The following DOCK3 variants were observed in gnomAD, a reference collection of about 807,000 sequenced individuals.
The protein encoded by DOCK3 is dedicator of cytokinesis 3.
A neutral mutation model predicts 265.6 loss-of-function variants in DOCK3; 60 were observed. The observed-to-expected ratio is 0.23, with a 90% confidence interval of 0.18 to 0.28. The LOEUF is 0.28. DOCK3 is among the 10% of genes least tolerant of loss of function. DOCK3 has a pLI of 1.00. For synonymous variants in DOCK3, 881 were observed against 938.0 expected (o/e 0.94, Z 1.11); for missense variants, 1,981 against 2,594.3 (o/e 0.76, Z 5.14).
At chr3:50,819,450 T>C (rs2044278812) in intron 2 of DOCK3, among the ~76,000 whole-genome samples, 1 of 152,222 alleles carries the variant, frequency 6.6e-6, no homozygotes, top group Non-Finnish European at 1.5e-5. Flanking sequence ...TAAAGTGTAT[T>C]GAACACACTA....
At chr3:50,681,667 A>G (rs959703396) in intron 1 of DOCK3, among the ~76,000 whole-genome samples, 1 of 152,186 alleles carries the variant, frequency 6.6e-6, no homozygotes, top group Non-Finnish European at 1.5e-5. Context: ...CCTTAGGGAT[A>G]CTCTAGTAAA....
At chr3:50,862,399 C>T (rs1489869290) in intron 3 of DOCK3, among the ~76,000 whole-genome samples, 2 of 152,196 alleles carry the variant, frequency 1.3e-5, no homozygotes, top group Non-Finnish European at 2.9e-5. Context: ...GGCCGAAATC[C>T]AGAAGGTGGT....
intron 38 of DOCK3, among the ~76,000 whole-genome samples, chr3:51,347,683 T>C (rs1022784502): frequency 2.0e-5 from 3 of 152,224 alleles, no homozygotes; most frequent in Non-Finnish European, 2.9e-5. Context: ...AAGAAAGTTA[T>C]TGGTAGCTTG....
intron 24 of DOCK3, among the ~76,000 whole-genome samples, chr3:51,273,280 A>C (rs774967650): frequency 3.2e-4 from 48 of 152,156 alleles, no homozygotes; most frequent in Admixed American, 7.2e-4. Context: ...GCTTCACACA[A>C]ACACTTCAGA....
intron 5 of DOCK3, among the ~76,000 whole-genome samples, chr3:50,966,647 C>G (rs1235950569): frequency 1.3e-5 from 2 of 151,936 alleles, no homozygotes; most frequent in East Asian, 3.9e-4. Flanking sequence ...GGGAAAATAT[C>G]TATAGACAGA....
In DOCK3 at chr3:50,827,527, C is replaced by T. The variant is rs186217246; in HGVS notation, c.122-14148C>T. On this transcript the variant is annotated intron_variant, in intron 2 of 52. Coordinates refer to ENST00000266037, the MANE Select transcript of DOCK3 (RefSeq NM_004947.5). ...TTTTCAAAGGCTTGACATCTGGATA[C>T]GCTTATATTGGGGATTAGGTTTCAA... Among the ~76,000 whole-genome samples, 7 of 152,212 alleles carry T rather than the reference C, an allele frequency of 4.6e-5. No individual in the cohort carries two copies. The East Asian group carries it at 9.7e-4, about 21-fold the overall frequency.
chr3:51,315,625 T>C (rs1295915661), intron 32 of DOCK3, among the ~76,000 whole-genome samples: 1 of 152,154 alleles, frequency 6.6e-6, no homozygotes, highest in East Asian at 1.9e-4. Context: ...GTAGTTCTTT[T>C]GCCACCACTA....
chr3:51,297,480 T>C (rs2082153362), intron 27 of DOCK3, among the ~76,000 whole-genome samples: 1 of 152,138 alleles, frequency 6.6e-6, no homozygotes, highest in South Asian at 2.1e-4. Flanking sequence ...AGACACCTAC[T>C]ACTCAAAGAT....
At chr3:51,031,354 G>T (rs1280278718) in intron 5 of DOCK3, among the ~76,000 whole-genome samples, 1 of 152,126 alleles carries the variant, frequency 6.6e-6, no homozygotes, top group African/African-American at 2.4e-5. Flanking sequence ...TCTGGCCCAT[G>T]ATTATACCTT....
chr3:51,369,011 G>A (rs1187687088), intron 49 of DOCK3, among the ~76,000 whole-genome samples: 1 of 152,190 alleles, frequency 6.6e-6, no homozygotes, highest in Non-Finnish European at 1.5e-5. Context: ...CAAACAGAAA[G>A]GACATGCACA....
intron 1 of DOCK3, among the ~76,000 whole-genome samples, chr3:50,708,745 T>G (rs2036572821): frequency 6.6e-6 from 1 of 152,178 alleles, no homozygotes; most frequent in Non-Finnish European, 1.5e-5. Context: ...CTCATTTACC[T>G]TTTTTTCACA....
intron 1 of DOCK3, among the ~76,000 whole-genome samples, chr3:50,726,273 A>T (rs979278757): frequency 5.3e-5 from 8 of 152,166 alleles, no homozygotes; most frequent in Admixed American, 2.0e-4. Flanking sequence ...GGCTGACTGT[A>T]CTACCTTCAG....
intron 3 of DOCK3, among the ~76,000 whole-genome samples, chr3:50,882,508 G>A (rs6446230): frequency 0.25 from 37,507 of 151,976 alleles, 5,822 homozygotes; most frequent in East Asian, 0.4. Context: ...CAACAGACAC[G>A]TGAAAAAATG....
At chr3:51,205,708 TAATA>T (rs767037719) in intron 12 of DOCK3, among the ~76,000 whole-genome samples, 12 of 151,982 alleles carry the variant, frequency 7.9e-5, no homozygotes, top group Admixed American at 6.6e-5. Context: ...ATAGATCAGT[TAATA>T]GATAGATAGA....
At chr3:51,334,556 T>G (rs1304876576) in intron 35 of DOCK3, among the ~76,000 whole-genome samples, 1 of 152,232 alleles carries the variant, frequency 6.6e-6, no homozygotes, top group Admixed American at 6.5e-5. Flanking sequence ...CCCCCCATTC[T>G]GTAGCACAGC....
intron 1 of DOCK3, among the ~76,000 whole-genome samples, chr3:50,747,008 AT>A (rs34966147): frequency 1.3e-5 from 2 of 151,980 alleles, no homozygotes; most frequent in Non-Finnish European, 2.9e-5. Context: ...ATTCAAGTAC[AT>A]TTTTTTTCAC....
chr3:50,978,775 T>C (rs959417069), intron 5 of DOCK3, among the ~76,000 whole-genome samples: 1 of 152,190 alleles, frequency 6.6e-6, no homozygotes, highest in African/African-American at 2.4e-5. Flanking sequence ...GATCTGAAAC[T>C]GCTGTGCTAG....
intron 3 of DOCK3, among the ~76,000 whole-genome samples, chr3:50,855,564 G>T (rs946483837): frequency 2.6e-5 from 4 of 152,080 alleles, no homozygotes; most frequent in African/African-American, 9.7e-5. Context: ...GACTTCTGGA[G>T]GAATCTTTAG....
chr3:51,281,275 AT>A (rs1250562290), intron 27 of DOCK3, among the ~76,000 whole-genome samples: 18 of 4,940 alleles, frequency 3.6e-3, no homozygotes, highest in Admixed American at 0.022. Flanking sequence ...ATGAGCTAAA[AT>A]ATATATATAT....
Sources: gnomAD v4.1 joint callset for allele counts (sites outside exome capture counted in the v4.1 genomes callset) on GRCh38, gnomAD v4.1.1 for gene constraint, MANE v1.5 for transcripts, NCBI Gene and HGNC (gene_info 2026-07-23, HGNC 2026-07-21) for gene names.